Variants in OR3A2 observed in about 807,000 individuals in gnomAD.
OR3A2 encodes olfactory receptor family 3 subfamily A member 2.
For missense variants in OR3A2, 318 were observed against 392.8 expected, an observed-to-expected ratio of 0.81 and a Z score of 1.61; for synonymous variants, 126 against 159.3, an observed-to-expected ratio of 0.79 and a Z score of 1.57.
At chr17:3,369,584 C>G (rs1251173534) in intron 2 of OR3A2, among the ~76,000 whole-genome samples, 1 of 152,116 alleles carries the variant, frequency 6.6e-6, no homozygotes, top group East Asian at 1.9e-4. Flanking sequence ...ATGAAACCCA[C>G]TTGATCTTCG....
intron 2 of OR3A2, among the ~76,000 whole-genome samples, chr17:3,358,285 G>T (rs928330177): frequency 2.6e-5 from 4 of 151,750 alleles, no homozygotes; most frequent in Non-Finnish European, 4.4e-5. Context: ...CCTCAGTTCA[G>T]TTCTGATTTT....
intron 1 of OR3A2, among the ~76,000 whole-genome samples, chr17:3,280,238 T>C (rs1229082684): frequency 1.3e-5 from 2 of 151,962 alleles, no homozygotes; most frequent in East Asian, 1.9e-4. Flanking sequence ...GACGAAGGCA[T>C]GTACTTGGAA....
intron 3 of OR3A2, among the ~76,000 whole-genome samples, chr17:3,297,438 TG>T (rs1436180903): frequency 6.6e-6 from 1 of 151,186 alleles, no homozygotes; most frequent in African/African-American, 2.5e-5. Context: ...TTACTTTATC[TG>T]GAACATCCTC....
Position 3,309,937 on chromosome 17 carries a change from AC to A in OR3A2, c.-85+26095del, listed in dbSNP as rs2049027907. 10 of 197,986 alleles carry A rather than the reference AC, an allele frequency of 5.1e-5. 1 individual carries two copies. In the South Asian group the frequency reaches 1.0e-3, roughly 20 times the overall value. The allele number at this position is 197,986 out of a possible 1,614,324, so 12.3% of individuals were successfully genotyped here. On this transcript the variant is annotated intron_variant, in intron 3 of 4. Transcript: ENST00000573491. ...CCTTTCATCCTCTGGGATCTTGTGT[AC>A]CTCAACTATGGCCATGCCACCATCT... is the stretch of plus-strand genomic sequence containing the variant.
intron 1 of OR3A2, among the ~76,000 whole-genome samples, chr17:3,281,308 A>G (rs2048775348): frequency 6.7e-6 from 1 of 148,464 alleles, no homozygotes; most frequent in South Asian, 2.1e-4. Context: ...ATCTCGGCTC[A>G]CTGCAACCTC....
intron 2 of OR3A2, among the ~76,000 whole-genome samples, chr17:3,340,872 G>A (rs575400722): frequency 1.8e-4 from 27 of 152,298 alleles, no homozygotes; most frequent in African/African-American, 6.0e-4. Context: ...GGGTGTTAAA[G>A]TCTCCCATTA....
At chr17:3,372,793 C>T (rs867593057) in intron 2 of OR3A2, among the ~76,000 whole-genome samples, 2 of 145,920 alleles carry the variant, frequency 1.4e-5, no homozygotes, top group East Asian at 2.0e-4. Flanking sequence ...AGCTTCGGCT[C>T]GGCATCAGAG....
At chr17:3,331,874 G>C (rs2049237868) in intron 3 of OR3A2, among the ~76,000 whole-genome samples, 1 of 150,788 alleles carries the variant, frequency 6.6e-6, no homozygotes, top group Non-Finnish European at 1.5e-5. Context: ...TGATGATGGT[G>C]ATGTACAGAT....
chr17:3,378,094 C>G (rs1309455466), intron 2 of OR3A2, among the ~76,000 whole-genome samples: 2 of 152,214 alleles, frequency 1.3e-5, no homozygotes, highest in Admixed American at 1.3e-4. Context: ...GGCCCCCAGG[C>G]TTCAGGCCAT....
intron 3 of OR3A2, among the ~76,000 whole-genome samples, chr17:3,290,250 A>T (rs1393704492): frequency 1.3e-5 from 2 of 152,088 alleles, no homozygotes; most frequent in Admixed American, 6.5e-5. Flanking sequence ...CTCATGTGTG[A>T]CCCACTTATT....
intron 3 of OR3A2, among the ~76,000 whole-genome samples, chr17:3,314,789 A>G (rs1331330493): frequency 3.9e-5 from 6 of 152,186 alleles, no homozygotes; most frequent in Non-Finnish European, 5.9e-5. Context: ...TCCAGATTCC[A>G]TCACCTTGGT....
intron 3 of OR3A2, among the ~76,000 whole-genome samples, chr17:3,319,739 T>G (rs1432315833): frequency 1.3e-5 from 2 of 152,204 alleles, no homozygotes; most frequent in South Asian, 2.1e-4. Flanking sequence ...TATTTCATGG[T>G]GTATATGTGC....
At chr17:3,325,358 T>C (rs1184266871) in intron 3 of OR3A2, among the ~76,000 whole-genome samples, 1 of 151,720 alleles carries the variant, frequency 6.6e-6, no homozygotes, top group African/African-American at 2.4e-5. Flanking sequence ...TACAGGTGCA[T>C]ACCATCACAC....
intron 2 of OR3A2, among the ~76,000 whole-genome samples, chr17:3,370,204 T>A (rs1236523702): frequency 6.6e-6 from 1 of 152,222 alleles, no homozygotes; most frequent in Non-Finnish European, 1.5e-5. Flanking sequence ...TCAATCTTGC[T>A]ACTTGTTCTT....
At chr17:3,328,214 G>A in intron 3 of OR3A2, among the ~76,000 whole-genome samples, 2 of 101,472 alleles carry the variant, frequency 2.0e-5, no homozygotes, top group African/African-American at 9.1e-5. Flanking sequence ...CCATTTGTTT[G>A]TATCCTCTTT....
chr17:3,282,112 G>A (rs759438612), intron 1 of OR3A2, among the ~76,000 whole-genome samples: 9 of 152,046 alleles, frequency 5.9e-5, no homozygotes, highest in Admixed American at 2.6e-4. Flanking sequence ...CTCCACCTAC[G>A]CTTAGAATCA....
At chr17:3,313,473 C>G (rs749778982) in intron 3 of OR3A2, among the ~76,000 whole-genome samples, 2 of 152,242 alleles carry the variant, frequency 1.3e-5, no homozygotes, top group Non-Finnish European at 2.9e-5. Flanking sequence ...TCAGTGCTGT[C>G]TACACTGCCC....
At chr17:3,360,199 G>C (rs1470189283) in intron 2 of OR3A2, among the ~76,000 whole-genome samples, 1 of 151,722 alleles carries the variant, frequency 6.6e-6, no homozygotes, top group African/African-American at 2.4e-5. Flanking sequence ...TCATGTGTCT[G>C]TTGGCTGCAT....
At chr17:3,326,659 C>T (rs922087050) in intron 3 of OR3A2, among the ~76,000 whole-genome samples, 5 of 148,152 alleles carry the variant, frequency 3.4e-5, no homozygotes, top group African/African-American at 7.5e-5. Flanking sequence ...CCCACTAACT[C>T]GTCATCTAGT....
Sources: gnomAD v4.1 joint callset for allele counts (sites outside exome capture counted in the v4.1 genomes callset) on GRCh38, gnomAD v4.1.1 for gene constraint, MANE v1.5 for transcripts, NCBI Gene and HGNC (gene_info 2026-07-23, HGNC 2026-07-21) for gene names.